Variants in ROBO2 observed in about 807,000 individuals in gnomAD.
ROBO2 encodes the protein roundabout homolog 2.
A neutral mutation model predicts 160.8 loss-of-function variants in ROBO2; 53 were observed. That is an observed-to-expected ratio of 0.33 (90% CI 0.26 to 0.41). The LOEUF is 0.41. Among genes scored for constraint, ROBO2 ranks in the 10% least tolerant of loss-of-function variants. The pLI, the probability that ROBO2 is intolerant of heterozygous loss-of-function variation, is 1.00. For missense variants in ROBO2, 1,577 were observed against 1,722.4 expected (o/e 0.92, Z 1.49); for synonymous variants, 664 against 611.7 (o/e 1.09, Z -1.26).
At chr3:76,152,890 T>G (rs1050180800) in intron 2 of ROBO2, among the ~76,000 whole-genome samples, 3 of 152,154 alleles carry the variant, frequency 2.0e-5, no homozygotes, top group Admixed American at 2.0e-4. Flanking sequence ...CCAAAATCGA[T>G]GTCAATTACC....
At chr3:76,741,969 T>C (rs967464280) in intron 2 of ROBO2, among the ~76,000 whole-genome samples, 2 of 152,078 alleles carry the variant, frequency 1.3e-5, no homozygotes, top group African/African-American at 4.8e-5. Context: ...GAGTGGTGGA[T>C]GATGTGTCAG....
intron 2 of ROBO2, among the ~76,000 whole-genome samples, chr3:76,724,221 A>T (rs2107754066): frequency 6.6e-6 from 1 of 152,148 alleles, no homozygotes; most frequent in South Asian, 2.1e-4. Context: ...AATATCCAAC[A>T]CTGCAGTAGC....
intron 2 of ROBO2, among the ~76,000 whole-genome samples, chr3:77,108,211 T>C (rs985336907): frequency 6.7e-6 from 1 of 148,208 alleles, no homozygotes; most frequent in Non-Finnish European, 1.5e-5. Flanking sequence ...TATGCATATA[T>C]ATATGTATAC....
intron 2 of ROBO2, among the ~76,000 whole-genome samples, chr3:77,185,003 A>G (rs2081149419): frequency 6.6e-6 from 1 of 152,026 alleles, no homozygotes; most frequent in Non-Finnish European, 1.5e-5. Context: ...CTAAGTAGCC[A>G]TAGAAATAGA....
intron 2 of ROBO2, among the ~76,000 whole-genome samples, chr3:76,893,619 G>T (rs758427439): frequency 1.3e-5 from 2 of 151,892 alleles, no homozygotes; most frequent in Non-Finnish European, 2.9e-5. Context: ...TCAAGTCAGG[G>T]TGTTTAAGGT....
intron 2 of ROBO2, among the ~76,000 whole-genome samples, chr3:76,429,505 T>C (rs2076352723): frequency 6.6e-6 from 1 of 152,188 alleles, no homozygotes; most frequent in Non-Finnish European, 1.5e-5. Context: ...TCTGGTTTGG[T>C]ATGACAGCAT....
chr3:77,287,425 A>AT (rs80126100), intron 2 of ROBO2, among the ~76,000 whole-genome samples: 46,854 of 151,872 alleles, frequency 0.31, 8,678 homozygotes, highest in Middle Eastern at 0.45. Flanking sequence ...GTAATACAAC[A>AT]TTTTTTTTCC....
intron 2 of ROBO2, among the ~76,000 whole-genome samples, chr3:76,865,953 G>C (rs1426445335): frequency 6.6e-6 from 1 of 152,066 alleles, no homozygotes; most frequent in Non-Finnish European, 1.5e-5. Context: ...TAAAAATCGA[G>C]CTACTTATGC....
At chr3:77,291,651 C>G (rs1174108996) in intron 2 of ROBO2, among the ~76,000 whole-genome samples, 6 of 150,508 alleles carry the variant, frequency 4.0e-5, no homozygotes, top group Non-Finnish European at 7.4e-5. Flanking sequence ...CTAGATCACC[C>G]CAGACATAAA....
chr3:77,156,770 G>A (rs2078050051), intron 2 of ROBO2, among the ~76,000 whole-genome samples: 3 of 149,676 alleles, frequency 2.0e-5, no homozygotes, highest in African/African-American at 7.3e-5. Flanking sequence ...ATATTTATTA[G>A]AATATATAAA....
intron 2 of ROBO2, among the ~76,000 whole-genome samples, chr3:76,780,161 T>C (rs2062540762): frequency 6.6e-6 from 1 of 150,932 alleles, no homozygotes; most frequent in African/African-American, 2.4e-5. Flanking sequence ...TGAGCACCTT[T>C]ACATGTTGGG....
At chr3:77,252,820 AAAAAAAAAAAAAT>A (rs1228736800) in intron 2 of ROBO2, among the ~76,000 whole-genome samples, 2 of 88,348 alleles carry the variant, frequency 2.3e-5, no homozygotes, top group African/African-American at 7.8e-5. Flanking sequence ...AAAAAAAAAA[AAAAAAAAAAAAAT>A]ATATATATAT....
At chr3:76,154,379 T>G (rs1025103415) in intron 2 of ROBO2, among the ~76,000 whole-genome samples, 3 of 152,048 alleles carry the variant, frequency 2.0e-5, no homozygotes, top group Non-Finnish European at 4.4e-5. Flanking sequence ...ATTCAGGGGT[T>G]TTTAAGATGA....
chr3:76,933,554 T>A (rs1280027735), intron 2 of ROBO2, among the ~76,000 whole-genome samples: 1 of 152,218 alleles, frequency 6.6e-6, no homozygotes, highest in Non-Finnish European at 1.5e-5. Context: ...AATTTATTGA[T>A]GGATATTTGT....
chr3:77,158,196 C>T (rs1214964553), intron 2 of ROBO2, among the ~76,000 whole-genome samples: 4 of 152,168 alleles, frequency 2.6e-5, no homozygotes, highest in African/African-American at 9.6e-5. Flanking sequence ...CAGCCAGGAC[C>T]CAGTAAACCC....
intron 1 of ROBO2, among the ~76,000 whole-genome samples, chr3:77,096,786 T>G (rs919182405): frequency 4.6e-5 from 7 of 152,248 alleles, no homozygotes; most frequent in African/African-American, 1.7e-4. Context: ...TGGCCCCACT[T>G]TTATTGCATT....
intron 1 of ROBO2, among the ~76,000 whole-genome samples, chr3:77,095,340 T>C (rs960733170): frequency 6.6e-6 from 1 of 152,180 alleles, no homozygotes; most frequent in Non-Finnish European, 1.5e-5. Flanking sequence ...TATTGCTAAA[T>C]AGCTTAGCTA....
chr3:76,149,600 ACAT>A (rs201597016), intron 2 of ROBO2, among the ~76,000 whole-genome samples: 6,680 of 121,856 alleles, frequency 0.055, 1,359 homozygotes, highest in East Asian at 0.26. Context: ...TCTAAAACAC[ACAT>A]CATCTGTCTA....
chr3:77,446,787 T>C (rs1043751862), intron 2 of ROBO2, among the ~76,000 whole-genome samples: 1 of 151,944 alleles, frequency 6.6e-6, no homozygotes, highest in Non-Finnish European at 1.5e-5. Flanking sequence ...TGAAATATAG[T>C]GGTGGAAAGA....
Sources: allele counts gnomAD v4.1 joint callset (sites outside exome capture counted in the v4.1 genomes callset), GRCh38; gene constraint gnomAD v4.1.1; transcripts MANE v1.5; gene names NCBI Gene and HGNC (gene_info 2026-07-23, HGNC 2026-07-21).